ANKRD33B: variants seen among roughly 807,000 people sequenced by gnomAD.
ANKRD33B encodes ankyrin repeat domain 33B.
ANKRD33B carries 6 observed loss-of-function variants against 21.5 expected under a neutral mutation model. The ratio of observed to expected loss-of-function variants is 0.28; its 90% CI spans 0.15 to 0.55. ANKRD33B has a LOEUF of 0.55. ANKRD33B is among the 20% of genes least tolerant of loss of function. The pLI is 0.94. For missense variants in ANKRD33B, 698 were observed against 747.2 expected, an observed-to-expected ratio of 0.93 and a Z score of 0.77; for synonymous variants, 347 against 342.4, an observed-to-expected ratio of 1.01 and a Z score of -0.15.
chr5:10,652,787 A>G lies in ANKRD33B; in HGVS notation c.*2674A>G, dbSNP rs901250791. The G allele has an allele frequency of 7.2e-6, 2 of 276,502 alleles. No homozygotes were observed. Among genetic ancestry groups the G allele is most frequent in the South Asian group, 3.4e-5 (1 of 29,378 alleles). The allele number at this position is 276,502 out of a possible 1,614,324, so 17.1% of individuals were successfully genotyped here. ...CCAGCCTCATCCAGGTGCACAGGAT[A>G]CTCTGGGGCCAGCACAGGGATTGTC... On this transcript the variant is annotated 3_prime_UTR_variant, in exon 4 of 4. Coordinates refer to ENST00000296657, the MANE Select transcript of ANKRD33B (RefSeq NM_001164440.2). The surrounding 1 kb of genome is among the most constrained non-coding windows in gnomAD (Gnocchi z 4.1).
chr5:10,607,474 G>A (rs1306393521), intron 1 of ANKRD33B, among the ~76,000 whole-genome samples: 3 of 152,212 alleles, frequency 2.0e-5, no homozygotes, highest in Non-Finnish European at 2.9e-5. Context: ...AAACCAGATG[G>A]TCAAGTCAGA....
rs1737424018 is a variant in ANKRD33B at position 10,654,088 on chromosome 5, T to G, written c.*3975T>G. ...TGATCATCCCTGGCACCACCTACCC[T>G]AAGGTCTTCCAAGAACAGAAAAGCC... On this transcript the variant is annotated 3_prime_UTR_variant, in exon 4 of 4. Coordinates refer to ENST00000296657, the MANE Select transcript of ANKRD33B (RefSeq NM_001164440.2). 1 of 152,610 alleles carries G rather than the reference T, an allele frequency of 6.6e-6. No homozygotes were observed. Among genetic ancestry groups the G allele is most frequent in the Admixed American group, 6.5e-5 (1 of 15,288 alleles). The allele number at this position is 152,610 out of a possible 1,614,324, so 9.5% of individuals were successfully genotyped here. A position where few individuals can be genotyped will look rare whatever the true frequency, so the allele number is the denominator to read the frequency against.
chr5:10,635,209 G>T (rs958005340), intron 2 of ANKRD33B, among the ~76,000 whole-genome samples: 1 of 152,156 alleles, frequency 6.6e-6, no homozygotes, highest in East Asian at 1.9e-4. Flanking sequence ...TGACGGACAC[G>T]CTATTTCACA....
intron 1 of ANKRD33B, among the ~76,000 whole-genome samples, chr5:10,588,353 A>C (rs769055840): frequency 6.6e-6 from 1 of 152,146 alleles, no homozygotes; most frequent in Non-Finnish European, 1.5e-5. Flanking sequence ...CTTTCTGGAT[A>C]TGTTCGTTTC....
intron 2 of ANKRD33B, among the ~76,000 whole-genome samples, chr5:10,621,465 G>A (rs572255141): frequency 3.3e-5 from 5 of 152,168 alleles, no homozygotes; most frequent in South Asian, 4.2e-4. Context: ...ATTCTTTGTC[G>A]GCAAGAAACC....
Position 10,650,869 on chromosome 5 carries a change from C to A in ANKRD33B, c.*756C>A, listed in dbSNP as rs1324781519. The A allele has an allele frequency of 2.0e-5, 3 of 152,312 alleles. No homozygotes were observed. The highest frequency in any genetic ancestry group is 4.4e-5 in the Non-Finnish European group (3 of 68,038). 9.4% of individuals were successfully genotyped at this position (152,312 alleles called of 1,614,324 possible). A position where few individuals can be genotyped will look rare whatever the true frequency, so the allele number is the denominator to read the frequency against. ...ATGTATTTATTGCTAGAATTAAACTCATTTTAAGCAAGGGGTTTTAGGTAA... is the reference window on the plus strand; with the variant it reads ...ATGTATTTATTGCTAGAATTAAACTAATTTTAAGCAAGGGGTTTTAGGTAA... On this transcript the variant is annotated 3_prime_UTR_variant, in exon 4 of 4. Coordinates refer to ENST00000296657, the MANE Select transcript of ANKRD33B (RefSeq NM_001164440.2).
intron 1 of ANKRD33B, among the ~76,000 whole-genome samples, chr5:10,590,718 C>T (rs567090827): frequency 6.6e-6 from 1 of 152,106 alleles, no homozygotes; most frequent in African/African-American, 2.4e-5. Context: ...AGATTGGATA[C>T]CCCTCCCTGC....
rs137976586 is a variant in ANKRD33B, at chr5:10,603,451, C to T, written c.367-14882C>T. On this transcript the variant is annotated intron_variant, in intron 1 of 3. Coordinates refer to ENST00000296657, the MANE Select transcript of ANKRD33B (RefSeq NM_001164440.2). ...TTAATTGTTGTATTTTTAGTAGAGA[C>T]GGGGTTTTGCCATGTTGCCCAGGCT... 5.6e-3 allele frequency among the ~76,000 whole-genome samples: 852 copies of T among 152,024 alleles called. 6 individuals are homozygous for T. The highest frequency in any genetic ancestry group is 0.02 in the African/African-American group (810 of 41,442).
chr5:10,626,131 C>A (rs560080836), intron 2 of ANKRD33B, among the ~76,000 whole-genome samples: 1 of 152,340 alleles, frequency 6.6e-6, no homozygotes, highest in African/African-American at 2.4e-5. Flanking sequence ...GGAGGCAGGG[C>A]CAGATGTCCC....
At chr5:10,612,243 T>C (rs912133103) in intron 1 of ANKRD33B, among the ~76,000 whole-genome samples, 1 of 152,220 alleles carries the variant, frequency 6.6e-6, no homozygotes, top group African/African-American at 2.4e-5. Context: ...CTGGGTGGCT[T>C]ATAAACAATG....
rs558477428 is a variant in ANKRD33B at position 10,638,168 on chromosome 5, G to A, written c.637G>A (p.Gly213Arg). 4.4e-5 allele frequency: 68 copies of A among 1,537,240 alleles called. No individual in the cohort carries two copies. The highest frequency in any genetic ancestry group is 5.7e-5 in the Non-Finnish European group (65 of 1,146,904). Residue 213 changes from glycine to arginine, a missense_variant and splice_region_variant, in exon 3 of 4, where the codon GGG becomes AGG. Physicochemically the swap from Gly to Arg is moderately radical, Grantham distance 125. This residue lies in a region of ANKRD33B where 543 missense variants were observed against 566.5 expected (regional missense o/e 0.96). Transcript: ENST00000296657. ...CTGCATCCGAGCCCTGATGCTAGCA[G>A]GTATGTCCACCTGTCCTGTGCAGCT... ...TDCIRALMLA[G>R]ADVHARDPRR...
At chr5:10,578,923 A>T (rs1407291508) in intron 1 of ANKRD33B, among the ~76,000 whole-genome samples, 1 of 151,990 alleles carries the variant, frequency 6.6e-6, no homozygotes, top group Non-Finnish European at 1.5e-5. Flanking sequence ...CAGCGCTTGG[A>T]GGGGCTGAGG....
Position 10,564,748 on chromosome 5 carries a change from G to A in ANKRD33B, c.281G>A (p.Cys94Tyr). ...ACGGCGACCCTCCTGCGCGCCGCCT[G>A]CGCCAACAACGTGGGGCTGCTGCGG... Reference protein sequence around the residue: ...PETATLLRAACANNVGLLRTL... With the variant: ...PETATLLRAAYANNVGLLRTL... The change falls in exon 1 of 4, where the codon TGC becomes TAC. Residue 94 changes from cysteine to tyrosine, a missense_variant. Around this residue, in one of 3 missense-constraint regions of ANKRD33B, gnomAD observed 148 missense variants for 154.9 expected, o/e 0.96. Coordinates refer to ENST00000296657, the MANE Select transcript of ANKRD33B (RefSeq NM_001164440.2). 6.5e-7 allele frequency: 1 copy of A among 1,530,760 alleles called. No homozygotes were observed. 94.8% of individuals were successfully genotyped at this position (1,530,760 alleles called of 1,614,324 possible).
intron 1 of ANKRD33B, among the ~76,000 whole-genome samples, chr5:10,582,584 T>G (rs186708773): frequency 3.3e-5 from 5 of 152,320 alleles, no homozygotes; most frequent in Non-Finnish European, 2.9e-5. Flanking sequence ...CCTGCAGGGC[T>G]CCTCCCAACA....
At chr5:10,612,022 CA>C (rs1212466506) in intron 1 of ANKRD33B, among the ~76,000 whole-genome samples, 1 of 152,158 alleles carries the variant, frequency 6.6e-6, no homozygotes, top group Non-Finnish European at 1.5e-5. Context: ...TGTTTAGGCC[CA>C]GGGAAAGGAT....
Position 10,618,355 on chromosome 5 carries a change from A to G in ANKRD33B, c.389A>G (p.Tyr130Cys). The G allele has an allele frequency of 2.0e-6, 3 of 1,537,736 alleles. No homozygotes were observed. Among genetic ancestry groups the G allele is most frequent in the South Asian group, 1.2e-5 (1 of 84,050 alleles). Residue 130 changes from tyrosine to cysteine, a missense_variant, in exon 2 of 4, where the codon TAC becomes TGC. Tyr to Cys is a radical substitution (Grantham distance 194). Coordinates refer to ENST00000296657, the MANE Select transcript of ANKRD33B (RefSeq NM_001164440.2). ...NGRTGLIVAC[Y>C]HGFVDTVVAL... ...TAGACCGGCCTTATTGTCGCCTGCT[A>G]CCACGGCTTTGTGGATACCGTGGTG...
At chr5:10,573,454 C>G (rs1017968723) in intron 1 of ANKRD33B, among the ~76,000 whole-genome samples, 4 of 137,152 alleles carry the variant, frequency 2.9e-5, no homozygotes, top group Non-Finnish European at 6.1e-5. Flanking sequence ...GGCAACAGAG[C>G]GAGACTCCGT....
chr5:10,651,379 A>G lies in ANKRD33B; in HGVS notation c.*1266A>G, dbSNP rs2126613628. On this transcript the variant is annotated 3_prime_UTR_variant, in exon 4 of 4. Transcript: ENST00000296657. ...GCCACAAGCTCTTGGTGAGAGTCTT[A>G]TGTCCACACTTTTATCTCCAAAGTG... is the stretch of plus-strand genomic sequence containing the variant. The G allele has an allele frequency of 6.6e-6, 1 of 152,300 alleles. No homozygotes were observed. The highest frequency in any genetic ancestry group is 3.4e-3 in the Middle Eastern group (1 of 296). 9.4% of individuals were successfully genotyped at this position (152,300 alleles called of 1,614,324 possible). A position where few individuals can be genotyped will look rare whatever the true frequency, so the allele number is the denominator to read the frequency against.
At chr5:10,630,030 G>A (rs1357175483) in intron 2 of ANKRD33B, among the ~76,000 whole-genome samples, 4 of 150,868 alleles carry the variant, frequency 2.7e-5, no homozygotes, top group Non-Finnish European at 5.9e-5. Context: ...GAGTTGAATG[G>A]TTGATGGAGG....
Sources: gnomAD v4.1 joint callset for allele counts (sites outside exome capture counted in the v4.1 genomes callset) on GRCh38, gnomAD v4.1.1 for gene constraint, gnomAD v4.1.1 regional missense constraint, Gnocchi (gnomAD v3.1) non-coding constraint, MANE v1.5 for transcripts, NCBI Gene and HGNC (gene_info 2026-07-23, HGNC 2026-07-21) for gene names.